WDR59: variants seen among roughly 807,000 people sequenced by gnomAD.
The protein encoded by WDR59 is WD repeat domain 59.
A neutral mutation model predicts 131.2 loss-of-function variants in WDR59; 100 were observed. The ratio of observed to expected loss-of-function variants is 0.76; its 90% CI spans 0.65 to 0.90. The LOEUF (loss-of-function observed/expected upper bound fraction) is 0.90, where lower values mean the gene tolerates loss of function less well. Ranked by LOEUF, WDR59 falls within the 40% of genes least tolerant of loss-of-function variation. The pLI is 0.00. For missense variants in WDR59, 1,203 were observed against 1,262.2 expected, an observed-to-expected ratio of 0.95 and a Z score of 0.71; for synonymous variants, 601 against 466.2, an observed-to-expected ratio of 1.29 and a Z score of -3.72.
chr16:74,960,287 C>A (rs996019833), intron 2 of WDR59, among the ~76,000 whole-genome samples: 8 of 151,450 alleles, frequency 5.3e-5, no homozygotes, highest in Non-Finnish European at 8.8e-5. Context: ...GCCGACATCG[C>A]GCCACTGCAC....
intron 8 of WDR59, among the ~76,000 whole-genome samples, chr16:74,928,511 G>A (rs974480419): frequency 2.6e-5 from 4 of 151,892 alleles, no homozygotes; most frequent in East Asian, 1.9e-4. Context: ...GAGCCACTGC[G>A]CCCAGCTTTT....
intron 2 of WDR59, among the ~76,000 whole-genome samples, chr16:74,958,615 A>AAAAAAAAAAAAAAAAAAAAAAAAAAAAAC: frequency 7.1e-6 from 1 of 140,742 alleles, no homozygotes; most frequent in Non-Finnish European, 1.6e-5. Context: ...AAAAAAAAAA[A>AAAAAAAAAAAAAAAAAAAAAAAAAAAAAC]AAAAACAAGC....
chr16:74,899,593 GCC>G, intron 18 of WDR59: 1 of 944,174 alleles, frequency 1.1e-6, no homozygotes, highest in Non-Finnish European at 1.5e-6. Flanking sequence ...AAAACAGCTC[GCC>G]TGTCATTTCA....
chr16:74,983,294 G>A (rs565196000), intron 1 of WDR59, among the ~76,000 whole-genome samples: 13 of 152,066 alleles, frequency 8.5e-5, no homozygotes, highest in Admixed American at 2.6e-4. Context: ...CCAACAGAGC[G>A]AAACCCCGTC....
chr16:74,928,360 G>A (rs1379268712), intron 8 of WDR59, among the ~76,000 whole-genome samples: 1 of 151,826 alleles, frequency 6.6e-6, no homozygotes, highest in Non-Finnish European at 1.5e-5. Flanking sequence ...GGGACTACAA[G>A]GGCACACCAC....
chr16:74,960,470 G>A (rs2145177471), intron 2 of WDR59, among the ~76,000 whole-genome samples: 1 of 150,716 alleles, frequency 6.6e-6, no homozygotes, highest in South Asian at 2.1e-4. Context: ...ATGAGGTCAG[G>A]TACGTGGTTC....
At chr16:74,926,349 C>T (rs978444658) in intron 8 of WDR59, among the ~76,000 whole-genome samples, 11 of 151,986 alleles carry the variant, frequency 7.2e-5, no homozygotes, top group East Asian at 1.9e-4. Flanking sequence ...TGAGCCACCG[C>T]GCCCAGCTGA....
chr16:74,944,028 AGT>A, intron 6 of WDR59, among the ~76,000 whole-genome samples: 1 of 152,280 alleles, frequency 6.6e-6, no homozygotes, highest in Admixed American at 6.5e-5. Flanking sequence ...GGAGAAAGTG[AGT>A]GAGAAGAGCT....
chr16:74,900,405 ACGG>A (rs1965497748), intron 18 of WDR59, among the ~76,000 whole-genome samples: 1 of 152,230 alleles, frequency 6.6e-6, no homozygotes, highest in Non-Finnish European at 1.5e-5. Context: ...GTATCTGTTT[ACGG>A]AGATCAGAAA....
chr16:74,941,693 AG>A (rs1400124525), intron 7 of WDR59, among the ~76,000 whole-genome samples: 1 of 105,714 alleles, frequency 9.5e-6, no homozygotes, highest in Non-Finnish European at 1.7e-5. Flanking sequence ...CTCTGTCTCA[AG>A]AAAAAAAAAA....
intron 2 of WDR59, among the ~76,000 whole-genome samples, chr16:74,957,965 A>G (rs1374967524): frequency 1.3e-5 from 2 of 152,206 alleles, no homozygotes; most frequent in Non-Finnish European, 2.9e-5. Flanking sequence ...CAGAACAAAT[A>G]TCACATAGAA....
chr16:74,982,903 T>C (rs769788514), intron 1 of WDR59, among the ~76,000 whole-genome samples: 5 of 152,206 alleles, frequency 3.3e-5, no homozygotes, highest in Non-Finnish European at 5.9e-5. Context: ...ACATCACCCA[T>C]TCATACTTAT....
chr16:74,942,775 G>C lies in WDR59; in HGVS notation c.497C>G (p.Thr166Ser). The change falls in exon 7 of 26, where the codon ACC becomes AGC. Residue 166 changes from threonine to serine, a missense_variant. By Grantham distance (58) the Thr-to-Ser change is moderately conservative. Coordinates refer to ENST00000262144, the MANE Select transcript of WDR59 (RefSeq NM_030581.4). ...TATCCGCACATCGCCGTCATGGCTG[G>C]TGGCAAGGCAGTTAGCATTTTTTTT... ...WNKKNANCLA[T>S]SHDGDVRIWD... 5.6e-6 allele frequency: 9 copies of C among 1,611,692 alleles called. No individual in the cohort carries two copies. The highest frequency in any genetic ancestry group is 1.1e-5 in the South Asian group (1 of 90,446).
chr16:74,965,157 A>G (rs1452570024), intron 2 of WDR59, among the ~76,000 whole-genome samples: 1 of 152,070 alleles, frequency 6.6e-6, no homozygotes, highest in Non-Finnish European at 1.5e-5. Flanking sequence ...CTCCTGCCTC[A>G]GCTTCGCAAG....
At chr16:74,895,963 C>T (rs1230563266) in intron 18 of WDR59, among the ~76,000 whole-genome samples, 1 of 152,090 alleles carries the variant, frequency 6.6e-6, no homozygotes, top group Non-Finnish European at 1.5e-5. Context: ...AGGGAAATTA[C>T]AAGGTACACA....
chr16:74,932,903 G>A (rs2031511637), intron 8 of WDR59, among the ~76,000 whole-genome samples: 1 of 152,186 alleles, frequency 6.6e-6, no homozygotes, highest in African/African-American at 2.4e-5. Flanking sequence ...TGTTATCTAT[G>A]ATTGTAAGAG....
At chr16:74,906,372 G>T (rs1295929082) in intron 17 of WDR59, among the ~76,000 whole-genome samples, 1 of 145,826 alleles carries the variant, frequency 6.9e-6, no homozygotes, top group Non-Finnish European at 1.5e-5. Context: ...GGCTAAAGTT[G>T]AAAGGACTAG....
In WDR59 at chr16:74,872,566, T is replaced by TAA. The variant is rs201118431; in HGVS notation, c.*1641_*1642dup. On this transcript the variant is annotated 3_prime_UTR_variant, in exon 26 of 26. Transcript: ENST00000262144. ...CAGAGTGAGACCCTGTCTCTCTCTC[T>TAA]AAAAAAAAAAAAAAAAAATTTAACT... 7.6e-4 allele frequency: 93 copies of TAA among 122,532 alleles called. No individual in the cohort carries two copies. The highest frequency in any genetic ancestry group is 1.3e-3 in the Admixed American group (15 of 11,828). The allele number at this position is 122,532 out of a possible 1,614,324, so 7.6% of individuals were successfully genotyped here. A position where few individuals can be genotyped will look rare whatever the true frequency, so the allele number is the denominator to read the frequency against.
In WDR59 at chr16:74,885,635, A is replaced by G; in HGVS notation, c.2689+18T>C. 1.9e-6 allele frequency: 3 copies of G among 1,612,724 alleles called. No individual in the cohort carries two copies. Among genetic ancestry groups the G allele is most frequent in the Non-Finnish European group, 2.5e-6 (3 of 1,179,518 alleles). On this transcript the variant is annotated intron_variant, in intron 25 of 25. Transcript: ENST00000262144. ...ATCTTTCAGACAGTGAAAGGAAGAG[A>G]GAGAAATTCATACTCACCGATCCCT...
Sources: gnomAD v4.1 joint callset for allele counts (sites outside exome capture counted in the v4.1 genomes callset) on GRCh38, gnomAD v4.1.1 for gene constraint, MANE v1.5 for transcripts, NCBI Gene and HGNC (gene_info 2026-07-23, HGNC 2026-07-21) for gene names.